Variants in PKHD1 observed in about 807,000 individuals in gnomAD.
The protein encoded by PKHD1 is PKHD1 ciliary IPT domain containing fibrocystin/polyductin.
In PKHD1, 291 loss-of-function variants were observed where a neutral mutation model predicts 412.0. The observed-to-expected ratio is 0.71, with a 90% confidence interval of 0.64 to 0.78. The LOEUF (loss-of-function observed/expected upper bound fraction) is 0.78. PKHD1 is among the 30% of genes least tolerant of loss of function. The probability of loss-of-function intolerance (pLI) is 0.00; values close to 1 mark genes in which losing one functional copy is unlikely to be tolerated. For synonymous variants in PKHD1, 1,777 were observed against 1,821.5 expected (o/e 0.98, Z 0.62); for missense variants, 4,825 against 4,950.7 (o/e 0.97, Z 0.76).
intron 21 of PKHD1, 141 bp downstream of exon 21, chr6:52,052,935 C>T: frequency 1.4e-6 from 1 of 729,202 alleles, no homozygotes; most frequent in African/African-American, 1.7e-5. Flanking sequence ...TAATCCCAGC[C>T]CCATCTGTTT....
intron 60 of PKHD1, among the ~76,000 whole-genome samples, chr6:51,741,396 T>G (rs982141101): frequency 8.8e-5 from 13 of 147,996 alleles, no homozygotes; most frequent in African/African-American, 3.3e-4. Context: ...TGTTTTTCTC[T>G]TTTTTTTTTC....
In PKHD1 at chr6:52,027,907, T is replaced by C. The variant is rs774114631; in HGVS notation, c.3561-11A>G. The C allele has an allele frequency of 2.2e-5, 35 of 1,602,966 alleles. No individual in the cohort carries two copies. The highest frequency in any genetic ancestry group is 5.0e-5 in the Admixed American group (3 of 60,004). On this transcript the variant is annotated splice_polypyrimidine_tract_variant and intron_variant, in intron 30 of 66. Coordinates refer to ENST00000371117, the MANE Select transcript of PKHD1 (RefSeq NM_138694.4). ...ATGTGGAGATCAACCCTACAGAAGA[T>C]AGGCAGATGTTTAGGAAATAACTGA...
chr6:51,701,328 T>A (rs1346121343), intron 60 of PKHD1, among the ~76,000 whole-genome samples: 1 of 152,242 alleles, frequency 6.6e-6, no homozygotes, highest in East Asian at 1.9e-4. Flanking sequence ...TTCCAAAGAA[T>A]CTCTTAGGCT....
Position 52,045,097 on chromosome 6 carries a change from G to T in PKHD1, c.2593-9C>A. 3.1e-6 allele frequency: 5 copies of T among 1,612,486 alleles called. No homozygotes were observed. Among genetic ancestry groups the T allele is most frequent in the Non-Finnish European group, 4.2e-6 (5 of 1,178,654 alleles). ...AGGTTTTCATCAGAGACCTGAGATG[G>T]TTACATTTCTGGTAAATTCTGTCAT... On this transcript the variant is annotated splice_polypyrimidine_tract_variant and intron_variant, in intron 24 of 66. Transcript: ENST00000371117.
rs1807851205 is a variant in PKHD1 at position 52,056,942 on chromosome 6, G to C, written c.1550C>G (p.Thr517Ser). 5.6e-6 allele frequency: 9 copies of C among 1,613,956 alleles called. No individual in the cohort carries two copies. Among genetic ancestry groups the C allele is most frequent in the Non-Finnish European group, 7.6e-6 (9 of 1,179,848 alleles). The part of the protein sequence containing the change: ...NVSGRGNFFL[T>S]WDNVSSQPIP... ...TGGCTGACTAGAGACATTGTCCCAA[G>C]TAAGGAAGAAGTTTCCTCTGCCTGA... Residue 517 changes from threonine to serine, a missense_variant, in exon 17 of 67, where the codon ACT (threonine) becomes AGT (serine). Physicochemically the swap from Thr to Ser is moderately conservative, Grantham distance 58. Coordinates refer to ENST00000371117, the MANE Select transcript of PKHD1 (RefSeq NM_138694.4).
intron 48 of PKHD1, among the ~76,000 whole-genome samples, chr6:51,863,525 A>G (rs186262823): frequency 6.6e-6 from 1 of 152,320 alleles, no homozygotes; most frequent in African/African-American, 2.4e-5. Flanking sequence ...TTATGTACCT[A>G]TTCCACCAGG....
chr6:51,947,467 C>T (rs186156695), intron 36 of PKHD1, among the ~76,000 whole-genome samples: 256 of 152,296 alleles, frequency 1.7e-3, no homozygotes, highest in African/African-American at 5.7e-3. Context: ...TTTCCTTCAC[C>T]TGGTATCTAA....
intron 23 of PKHD1, among the ~76,000 whole-genome samples, chr6:52,047,700 AAGAAG>A (rs1806083304): frequency 6.6e-6 from 1 of 152,134 alleles, no homozygotes; most frequent in Non-Finnish European, 1.5e-5. Context: ...AAACTCTAGA[AAGAAG>A]AGGACTGACC....
At chr6:51,979,800 C>G (rs1476158794) in intron 35 of PKHD1, among the ~76,000 whole-genome samples, 3 of 152,182 alleles carry the variant, frequency 2.0e-5, no homozygotes, top group African/African-American at 7.2e-5. Context: ...ATACCAAAAG[C>G]CACAGTGTCC....
At chr6:52,002,860 T>A (rs1374818302) in intron 35 of PKHD1, among the ~76,000 whole-genome samples, 1 of 152,216 alleles carries the variant, frequency 6.6e-6, no homozygotes, top group African/African-American at 2.4e-5. Flanking sequence ...ATAGCTGGAT[T>A]GCATGAATTT....
rs777405049 is a variant in PKHD1, at chr6:52,028,232, C to T, written c.3484G>A (p.Val1162Met). The T allele has an allele frequency of 1.2e-6, 2 of 1,614,172 alleles. No homozygotes were observed. The highest frequency in any genetic ancestry group is 4.5e-5 in the East Asian group (2 of 44,882). ...VHTQSAWGLE[V>M]ALPPLPAGLH... ...CCAGCTGGCAGTGGGGGCAGTGCCACCTCCAGGCCCCAAGCCGACTGTGTG... is the reference window on the plus strand; with the variant it reads ...CCAGCTGGCAGTGGGGGCAGTGCCATCTCCAGGCCCCAAGCCGACTGTGTG... Residue 1162 changes from valine to methionine, a missense_variant, in exon 30 of 67, where the codon GTG becomes ATG. Transcript: ENST00000371117.
intron 36 of PKHD1, among the ~76,000 whole-genome samples, chr6:51,946,335 C>T (rs1277602275): frequency 6.6e-6 from 1 of 152,148 alleles, no homozygotes; most frequent in Non-Finnish European, 1.5e-5. Flanking sequence ...AATCTAGGTA[C>T]ATTTAGAAGA....
intron 35 of PKHD1, among the ~76,000 whole-genome samples, chr6:51,965,115 C>A (rs1185604227): frequency 1.3e-5 from 2 of 152,112 alleles, no homozygotes; most frequent in Non-Finnish European, 2.9e-5. Flanking sequence ...AATCCCAAAT[C>A]CTTTTGTATG....
chr6:51,713,572 T>C (rs1780899311), intron 60 of PKHD1, among the ~76,000 whole-genome samples: 1 of 152,242 alleles, frequency 6.6e-6, no homozygotes, highest in South Asian at 2.1e-4. Context: ...TGCAGATTTA[T>C]ATCTAGCTTT....
Position 51,659,957 on chromosome 6 carries a change from T to A in PKHD1, c.10169A>T (p.Glu3390Val). 6.3e-7 allele frequency: 1 copy of A among 1,597,844 alleles called. No individual in the cohort carries two copies. Among genetic ancestry groups the A allele is most frequent in the Non-Finnish European group, 8.6e-7 (1 of 1,165,664 alleles). Residue 3390 changes from glutamate (E) to valine (V), a missense_variant, in exon 61 of 67, where the codon GAA (glutamate) becomes GTA (valine). Physicochemically the swap from Glu to Val is moderately radical, Grantham distance 121. Coordinates refer to ENST00000371117, the MANE Select transcript of PKHD1 (RefSeq NM_138694.4). Reference sequence around the variant, plus strand: ...AAATTGGTATGTACATTTCTGTTCTTCTCTAAATGTACCTATAAAAGAAAA... The same window carrying A: ...AAATTGGTATGTACATTTCTGTTCTACTCTAAATGTACCTATAAAAGAAAA... Reference protein sequence around the residue: ...ASFFNAGTFREEQKCTYQFLM... With the variant: ...ASFFNAGTFRVEQKCTYQFLM...
At chr6:51,686,055 G>A (rs746287493) in intron 60 of PKHD1, among the ~76,000 whole-genome samples, 20 of 152,056 alleles carry the variant, frequency 1.3e-4, no homozygotes, top group Non-Finnish European at 2.2e-4. Context: ...TTTCTCTGCT[G>A]ATCACTGGCT....
chr6:51,757,468 C>T (rs929076813), intron 55 of PKHD1, among the ~76,000 whole-genome samples: 3 of 152,100 alleles, frequency 2.0e-5, no homozygotes, highest in Non-Finnish European at 4.4e-5. Flanking sequence ...GTTCACTCTC[C>T]CCTACTTTGC....
At chr6:51,928,627 C>T (rs143320991) in intron 37 of PKHD1, among the ~76,000 whole-genome samples, 4 of 151,912 alleles carry the variant, frequency 2.6e-5, no homozygotes, top group Admixed American at 6.6e-5. Flanking sequence ...GTAACTCTAG[C>T]GGACTTTGGG....
At chr6:51,929,934 A>C (rs1246483261) in intron 37 of PKHD1, among the ~76,000 whole-genome samples, 3 of 152,224 alleles carry the variant, frequency 2.0e-5, no homozygotes, top group African/African-American at 7.2e-5. Context: ...AGAAACTGTC[A>C]GCCAAATTTC....
Sources: allele counts gnomAD v4.1 joint callset (sites outside exome capture counted in the v4.1 genomes callset), GRCh38; gene constraint gnomAD v4.1.1; transcripts MANE v1.5; gene names NCBI Gene and HGNC (gene_info 2026-07-23, HGNC 2026-07-21).